Variants in PDE7B observed in about 807,000 individuals in gnomAD.
The protein encoded by PDE7B is 3',5'-cyclic-AMP phosphodiesterase 7B.
A neutral mutation model predicts 56.2 loss-of-function variants in PDE7B; 29 were observed. The observed-to-expected ratio is 0.52, with a 90% CI of 0.38 to 0.70. PDE7B has a LOEUF of 0.70. Among genes scored for constraint, PDE7B ranks in the 30% least tolerant of loss-of-function variants. The probability of loss-of-function intolerance (pLI) is 0.00; values close to 1 mark genes in which losing one functional copy is unlikely to be tolerated. For synonymous variants in PDE7B, 197 were observed against 196.9 expected, an observed-to-expected ratio of 1.00 and a Z score of 0.00; for missense variants, 490 against 565.0, an observed-to-expected ratio of 0.87 and a Z score of 1.35.
chr6:136,088,562 G>T (rs1254899732), intron 2 of PDE7B, among the ~76,000 whole-genome samples: 1 of 152,080 alleles, frequency 6.6e-6, no homozygotes, highest in African/African-American at 2.4e-5. Context: ...AAGTCAAGTG[G>T]ACAAAAGACC....
chr6:136,161,871 G>A (rs138801148), intron 8 of PDE7B: 7 of 152,274 alleles, frequency 4.6e-5, no homozygotes, highest in African/African-American at 7.2e-5. Flanking sequence ...AATACAATAC[G>A]CTCCCTGCCC....
chr6:136,163,518 T>C (rs919871807), intron 8 of PDE7B, among the ~76,000 whole-genome samples: 20 of 152,218 alleles, frequency 1.3e-4, no homozygotes, highest in African/African-American at 4.8e-4. Context: ...ATGGAGGTCT[T>C]AGACATGCCT....
intron 12 of PDE7B, among the ~76,000 whole-genome samples, chr6:136,190,016 G>A (rs1201863371): frequency 6.6e-6 from 1 of 152,110 alleles, no homozygotes; most frequent in African/African-American, 2.4e-5. Flanking sequence ...ATTTTAAAAT[G>A]TTGGATATTT....
intron 3 of PDE7B, among the ~76,000 whole-genome samples, chr6:136,137,650 T>C (rs1057366833): frequency 1.3e-5 from 2 of 152,114 alleles, no homozygotes; most frequent in African/African-American, 2.4e-5. Flanking sequence ...CTTTCTTAAA[T>C]CTCAGATATT....
At chr6:136,067,057 GT>G (rs1460451919) in intron 2 of PDE7B, among the ~76,000 whole-genome samples, 3 of 151,970 alleles carry the variant, frequency 2.0e-5, no homozygotes, top group Non-Finnish European at 4.4e-5. Context: ...GTCTTGCTAT[GT>G]TGCCCAGGTC....
chr6:136,074,876 C>A (rs1273203347), intron 2 of PDE7B, among the ~76,000 whole-genome samples: 1 of 152,148 alleles, frequency 6.6e-6, no homozygotes, highest in Non-Finnish European at 1.5e-5. Flanking sequence ...GTGAATAGTG[C>A]TGCTGTGCAC....
chr6:136,131,780 A>C (rs1778123408), intron 3 of PDE7B, among the ~76,000 whole-genome samples: 1 of 152,158 alleles, frequency 6.6e-6, no homozygotes, highest in Non-Finnish European at 1.5e-5. Context: ...GAGAAATAGG[A>C]AAGTCACACA....
At position 135,903,516 on chromosome 6, in the gene PDE7B, T is replaced by C. The variant is rs1056327959; in HGVS notation, c.22-43948T>C. 1.3e-5 allele frequency among the ~76,000 whole-genome samples: 2 copies of C among 152,130 alleles called. 1 individual carries two copies. The highest frequency in any genetic ancestry group is 4.1e-4 in the South Asian group (2 of 4,826). On this transcript the variant is annotated intron_variant, in intron 1 of 12. Transcript: ENST00000308191. ...AATATTGGGGAAGCTCTAAAAGTTGTTTAGGGGTAATGTCAACCAAACCAA... is the reference window on the plus strand; with the variant it reads ...AATATTGGGGAAGCTCTAAAAGTTGCTTAGGGGTAATGTCAACCAAACCAA...
At chr6:135,985,535 T>C (rs562340794) in intron 2 of PDE7B, among the ~76,000 whole-genome samples, 1 of 152,354 alleles carries the variant, frequency 6.6e-6, no homozygotes, top group Admixed American at 6.5e-5. Context: ...ACAATTTCTT[T>C]GGACATAGAC....
At chr6:136,178,963 T>G (rs758269688) in intron 9 of PDE7B, 34 bp from the exon 10 acceptor site, 22 of 1,611,952 alleles carry the variant, frequency 1.4e-5, no homozygotes, top group Admixed American at 1.2e-4. Flanking sequence ...ATTTGCTTTG[T>G]GTGTGTTTTT....
At chr6:136,006,231 G>C (rs570127624) in intron 2 of PDE7B, among the ~76,000 whole-genome samples, 39 of 147,180 alleles carry the variant, frequency 2.6e-4, no homozygotes, top group African/African-American at 9.2e-4. Context: ...GGGAGGGATA[G>C]CATTAGGAGA....
intron 5 of PDE7B, among the ~76,000 whole-genome samples, chr6:136,150,557 T>C (rs966691044): frequency 1.3e-5 from 2 of 152,228 alleles, no homozygotes; most frequent in African/African-American, 4.8e-5. Flanking sequence ...TTCTGTTCCA[T>C]TGGCCTCATT....
chr6:135,931,316 C>T (rs1480355640), intron 1 of PDE7B, among the ~76,000 whole-genome samples: 1 of 152,020 alleles, frequency 6.6e-6, no homozygotes, highest in African/African-American at 2.4e-5. Context: ...TTTGATTATC[C>T]AATGCGAGTG....
chr6:135,956,508 G>A (rs982230782), intron 2 of PDE7B, among the ~76,000 whole-genome samples: 7 of 152,196 alleles, frequency 4.6e-5, no homozygotes, highest in Non-Finnish European at 8.8e-5. Flanking sequence ...GCTGAGTGCA[G>A]TGGCTCATGC....
chr6:136,109,156 G>GT (rs1777704784), intron 3 of PDE7B, among the ~76,000 whole-genome samples: 1 of 152,154 alleles, frequency 6.6e-6, no homozygotes, highest in Admixed American at 6.5e-5. Context: ...GGGCAACAGA[G>GT]TGAGACCTTA....
chr6:136,044,351 C>T (rs745525000), intron 2 of PDE7B: 2 of 152,060 alleles, frequency 1.3e-5, no homozygotes, highest in Admixed American at 6.6e-5. Flanking sequence ...CCACTCAATA[C>T]ATTTTGATAT....
intron 2 of PDE7B, among the ~76,000 whole-genome samples, chr6:136,029,646 G>T (rs1429628649): frequency 6.6e-6 from 1 of 152,078 alleles, no homozygotes; most frequent in African/African-American, 2.4e-5. Context: ...TAAATAGAAA[G>T]ATATGCAATC....
intron 4 of PDE7B, among the ~76,000 whole-genome samples, chr6:136,148,776 G>A (rs979376162): frequency 6.6e-6 from 1 of 152,204 alleles, no homozygotes; most frequent in African/African-American, 2.4e-5. Context: ...AGGGCTGGAA[G>A]TCCAGCTATC....
At chr6:136,060,905 T>C (rs1776826871) in intron 2 of PDE7B, among the ~76,000 whole-genome samples, 2 of 152,228 alleles carry the variant, frequency 1.3e-5, no homozygotes, top group South Asian at 4.1e-4. Flanking sequence ...TGGAGTTGTA[T>C]TGGCTGCTCT....
Sources: allele counts gnomAD v4.1 joint callset (sites outside exome capture counted in the v4.1 genomes callset), GRCh38; gene constraint gnomAD v4.1.1; transcripts MANE v1.5; gene names NCBI Gene and HGNC (gene_info 2026-07-23, HGNC 2026-07-21).